PEX14: variants seen among roughly 807,000 people sequenced by gnomAD.
PEX14 encodes the protein peroxisomal biogenesis factor 14, also known as peroxisomal membrane protein PEX14.
A neutral mutation model predicts 49.5 loss-of-function variants in PEX14; 15 were observed. The observed-to-expected ratio is 0.30, with a 90% CI of 0.20 to 0.47. PEX14 has a LOEUF of 0.47. Among genes scored for constraint, PEX14 ranks in the 20% least tolerant of loss-of-function variants. PEX14 has a pLI of 1.00. For synonymous variants in PEX14, 210 were observed against 212.7 expected (o/e 0.99, Z 0.11); for missense variants, 398 against 494.8 (o/e 0.80, Z 1.86).
chr1:10,604,368 A>G (rs1469873614), intron 4 of PEX14, among the ~76,000 whole-genome samples: 4 of 152,072 alleles, frequency 2.6e-5, no homozygotes, highest in South Asian at 2.1e-4. Flanking sequence ...TGTAATCCCA[A>G]CTCTTTGAGA....
intron 2 of PEX14, among the ~76,000 whole-genome samples, chr1:10,510,622 C>A (rs1343725004): frequency 6.6e-6 from 1 of 152,178 alleles, no homozygotes; most frequent in Non-Finnish European, 1.5e-5. Context: ...CTGTTTGGCA[C>A]CTAGGCACTT....
chr1:10,596,035 G>C (rs541533968), intron 3 of PEX14, among the ~76,000 whole-genome samples: 28 of 152,216 alleles, frequency 1.8e-4, no homozygotes, highest in Non-Finnish European at 3.7e-4. Context: ...AGGGCACCGG[G>C]ATGTCCTATG....
rs780024607 is a variant in PEX14, at chr1:10,475,012, G to A, written c.36+10G>A. On this transcript the variant is annotated intron_variant, in intron 1 of 8. Transcript: ENST00000356607. ...AGAGCAGCCGAGCCAGGTAAGGGGAGTGGGACTGCCCCGCTGTGCGGCGGA... is the reference window on the plus strand; with the variant it reads ...AGAGCAGCCGAGCCAGGTAAGGGGAATGGGACTGCCCCGCTGTGCGGCGGA... 3.8e-5 allele frequency: 61 copies of A among 1,608,204 alleles called. No homozygotes were observed. The highest frequency in any genetic ancestry group is 1.9e-4 in the Admixed American group (11 of 59,252).
At chr1:10,598,262 A>G (rs566399963) in intron 3 of PEX14, among the ~76,000 whole-genome samples, 1 of 152,244 alleles carries the variant, frequency 6.6e-6, no homozygotes, top group Admixed American at 6.5e-5. Context: ...TTGTACACAC[A>G]GCTACTTCCT....
rs143511848 is a variant in PEX14 at position 10,600,958 on chromosome 1, C to T, written c.298+1592C>T. Among the ~76,000 whole-genome samples the T allele has an allele frequency of 9.7e-3, 1,435 of 148,470 alleles. 11 individuals carry two copies. The highest frequency in any genetic ancestry group is 0.013 in the Non-Finnish European group (863 of 67,046). On this transcript the variant is annotated intron_variant, in intron 4 of 8. Transcript: ENST00000356607. The stretch of plus-strand genomic sequence containing the variant: ...ACCACCCTGGGCAACAAGAGCAAAA[C>T]TCCATCTCAAAAAAACAGACAGGCC...
rs758492014 is a variant in PEX14 at position 10,618,364 on chromosome 1, G to A, written c.331G>A (p.Ala111Thr). 137 of 1,613,816 alleles carry A rather than the reference G, an allele frequency of 8.5e-5. No homozygotes were observed. Among genetic ancestry groups the A allele is most frequent in the Non-Finnish European group, 1.1e-4 (131 of 1,180,040 alleles). Reference protein sequence around the residue: ...PAGSRWRDYGALAIIMAGIAF... With the variant: ...PAGSRWRDYGTLAIIMAGIAF... The stretch of plus-strand genomic sequence containing the variant: ...AGGCTCCCGATGGCGAGATTACGGC[G>A]CCCTGGCCATCATCATGGCAGGCAT... Residue 111 changes from alanine (A) to threonine (T), a missense_variant, in exon 5 of 9, where the codon GCC becomes ACC. Physicochemically the swap from Ala to Thr is moderately conservative, Grantham distance 58. This residue lies in a region of PEX14 where 202 missense variants were observed against 298.5 expected (regional missense o/e 0.68). Transcript: ENST00000356607.
chr1:10,515,671 A>G (rs1038219433), intron 2 of PEX14, among the ~76,000 whole-genome samples: 3 of 152,224 alleles, frequency 2.0e-5, no homozygotes, highest in African/African-American at 7.2e-5. Flanking sequence ...TTCATAGAAC[A>G]ATAAACTTTG....
intron 2 of PEX14, among the ~76,000 whole-genome samples, chr1:10,509,089 G>A (rs1641840479): frequency 6.6e-6 from 1 of 152,074 alleles, no homozygotes; most frequent in Non-Finnish European, 1.5e-5. Flanking sequence ...GGCGCCCGCC[G>A]CCACGTCCGG....
At chr1:10,504,101 G>C (rs1033586238) in intron 2 of PEX14, among the ~76,000 whole-genome samples, 2 of 152,082 alleles carry the variant, frequency 1.3e-5, no homozygotes, top group African/African-American at 4.8e-5. Flanking sequence ...ATGATTTTTG[G>C]CTCAAAAAAT....
intron 4 of PEX14, among the ~76,000 whole-genome samples, chr1:10,611,324 T>TAA (rs1184333335): frequency 2.0e-5 from 3 of 152,182 alleles, no homozygotes; most frequent in Non-Finnish European, 4.4e-5. Context: ...AAAAATAGGC[T>TAA]AAAGTAGGAT....
intron 3 of PEX14, among the ~76,000 whole-genome samples, chr1:10,589,987 A>G (rs1640612265): frequency 6.6e-6 from 1 of 152,204 alleles, no homozygotes; most frequent in African/African-American, 2.4e-5. Flanking sequence ...TTCAGCTTGA[A>G]TGGGATTTGG....
intron 1 of PEX14, among the ~76,000 whole-genome samples, chr1:10,484,931 C>A (rs12565133): frequency 0.4 from 61,306 of 151,392 alleles, 13,958 homozygotes; most frequent in Non-Finnish European, 0.5. Flanking sequence ...CGTATCTCAC[C>A]CACATTAATG....
rs1054758196 is a variant in PEX14, at chr1:10,523,270, G to T, written c.85-12943G>T. 3.3e-5 allele frequency among the ~76,000 whole-genome samples: 5 copies of T among 152,278 alleles called. No homozygotes were observed. In the South Asian group the frequency reaches 1.0e-3, roughly 32 times the overall value. On this transcript the variant is annotated intron_variant, in intron 2 of 8. Coordinates refer to ENST00000356607, the MANE Select transcript of PEX14 (RefSeq NM_004565.3). ...ATATAAAATAAATAGTAAGTAGCGT[G>T]AGTAAAGCTTCGCAGCGTATAAAAT...
rs566514330 is a variant in PEX14 at position 10,588,153 on chromosome 1, A to G, written c.170-11085A>G. Among the ~76,000 whole-genome samples, 5 of 151,826 alleles carry G rather than the reference A, an allele frequency of 3.3e-5. No homozygotes were observed. In the South Asian group the frequency reaches 1.0e-3, roughly 32 times the overall value. Reference sequence around the variant, plus strand: ...GAGAATTGCTTGAACCCAGGAGGCTAAGGTTGCAGTGAGCCGAGATTGCAC... The same window carrying G: ...GAGAATTGCTTGAACCCAGGAGGCTGAGGTTGCAGTGAGCCGAGATTGCAC... On this transcript the variant is annotated intron_variant, in intron 3 of 8. Coordinates refer to ENST00000356607, the MANE Select transcript of PEX14 (RefSeq NM_004565.3).
chr1:10,478,324 C>T (rs1249752162), intron 1 of PEX14, among the ~76,000 whole-genome samples: 8 of 152,120 alleles, frequency 5.3e-5, no homozygotes, highest in African/African-American at 1.4e-4. Context: ...AGTTCTATTA[C>T]GACATCTTTT....
intron 2 of PEX14, among the ~76,000 whole-genome samples, chr1:10,535,238 G>A (rs115234680): frequency 0.013 from 1,922 of 152,338 alleles, 49 homozygotes; most frequent in African/African-American, 0.044. Context: ...TGTCTGGGGT[G>A]GAAAGTAGAC....
intron 1 of PEX14, among the ~76,000 whole-genome samples, chr1:10,484,568 G>C (rs2124378132): frequency 6.6e-6 from 1 of 151,884 alleles, no homozygotes; most frequent in East Asian, 1.9e-4. Context: ...ATTTGTAGTA[G>C]TTTTTGATTC....
chr1:10,486,045 A>T (rs1641362840), intron 1 of PEX14, among the ~76,000 whole-genome samples: 1 of 152,114 alleles, frequency 6.6e-6, no homozygotes, highest in Non-Finnish European at 1.5e-5. Flanking sequence ...GGTGTGAGCC[A>T]CCGTGCCCGG....
intron 3 of PEX14, among the ~76,000 whole-genome samples, chr1:10,559,152 A>G (rs908502864): frequency 6.6e-6 from 1 of 152,034 alleles, no homozygotes; most frequent in Non-Finnish European, 1.5e-5. Context: ...TATTATTTTG[A>G]CTGGCCCTTC....
Sources: allele counts gnomAD v4.1 joint callset (sites outside exome capture counted in the v4.1 genomes callset), GRCh38; gene constraint gnomAD v4.1.1; regional missense constraint gnomAD v4.1.1; transcripts MANE v1.5; gene names NCBI Gene and HGNC (gene_info 2026-07-23, HGNC 2026-07-21).